Variants in ADARB1 observed in about 807,000 individuals in gnomAD.
ADARB1 encodes the protein double-stranded RNA-specific editase 1.
In ADARB1, 10 loss-of-function variants were observed where a neutral mutation model predicts 52.4. The observed-to-expected ratio is 0.19, with a 90% CI of 0.12 to 0.32. The LOEUF (loss-of-function observed/expected upper bound fraction) is 0.32, where lower values mean the gene tolerates loss of function less well. Among genes scored for constraint, ADARB1 ranks in the 10% least tolerant of loss-of-function variants. The pLI is 1.00. For synonymous variants in ADARB1, 349 were observed against 371.1 expected (o/e 0.94, Z 0.68); for missense variants, 643 against 922.3 (o/e 0.70, Z 3.92).
intron 1 of ADARB1, among the ~76,000 whole-genome samples, chr21:45,077,644 G>A (rs1465434545): frequency 1.3e-5 from 2 of 151,708 alleles, no homozygotes; most frequent in Non-Finnish European, 2.9e-5. Context: ...TCCAGCCTGG[G>A]CAACAGAGCG....
chr21:45,156,885 T>C (rs999729258), intron 2 of ADARB1, among the ~76,000 whole-genome samples: 4 of 152,032 alleles, frequency 2.6e-5, no homozygotes, highest in African/African-American at 9.7e-5. Flanking sequence ...TGGATTTATG[T>C]GATTTGTCAC....
At chr21:45,171,291 T>G (rs539190400) in intron 2 of ADARB1, among the ~76,000 whole-genome samples, 1 of 152,204 alleles carries the variant, frequency 6.6e-6, no homozygotes, top group East Asian at 1.9e-4. Flanking sequence ...TGGTGTGAGG[T>G]CCCTGGGCAC....
At chr21:45,124,860 C>G (rs553411259) in intron 1 of ADARB1, among the ~76,000 whole-genome samples, 1 of 151,678 alleles carries the variant, frequency 6.6e-6, no homozygotes, top group Non-Finnish European at 1.5e-5. Flanking sequence ...TGCAGTGGTG[C>G]AATCTCAGCT....
chr21:45,195,478 C>T (rs2092404238), intron 8 of ADARB1, among the ~76,000 whole-genome samples: 1 of 152,158 alleles, frequency 6.6e-6, no homozygotes, highest in Admixed American at 6.5e-5. Flanking sequence ...AAGTCATCAC[C>T]AAACCCAAGA....
At chr21:45,098,821 G>A (rs1051965961) in intron 1 of ADARB1, among the ~76,000 whole-genome samples, 1 of 152,178 alleles carries the variant, frequency 6.6e-6, no homozygotes, top group African/African-American at 2.4e-5. Context: ...GTATATTTGT[G>A]TGTGTTTCTC....
At chr21:45,127,007 G>A (rs2088624428) in intron 1 of ADARB1, among the ~76,000 whole-genome samples, 1 of 152,148 alleles carries the variant, frequency 6.6e-6, no homozygotes, top group Admixed American at 6.5e-5. Flanking sequence ...TTTAGGCGGT[G>A]GACTTTTTGG....
chr21:45,215,660 T>C (rs776975349), intron 9 of ADARB1, among the ~76,000 whole-genome samples: 4 of 151,388 alleles, frequency 2.6e-5, no homozygotes, highest in Non-Finnish European at 5.9e-5. Flanking sequence ...GTGGTGACGT[T>C]AAAAAAAAAT....
chr21:45,199,908 T>G (rs1047350414), intron 8 of ADARB1, among the ~76,000 whole-genome samples: 1 of 152,196 alleles, frequency 6.6e-6, no homozygotes, highest in Admixed American at 6.5e-5. Flanking sequence ...TCGGGGCTCA[T>G]GGACCTGAAC....
chr21:45,101,684 GC>G (rs1303843196), intron 1 of ADARB1, among the ~76,000 whole-genome samples: 1 of 152,160 alleles, frequency 6.6e-6, no homozygotes, highest in African/African-American at 2.4e-5. Flanking sequence ...CTTTCCTGAA[GC>G]AGAAAGCATG....
At chr21:45,098,991 G>A (rs1339303489) in intron 1 of ADARB1, among the ~76,000 whole-genome samples, 1 of 152,172 alleles carries the variant, frequency 6.6e-6, no homozygotes, top group Non-Finnish European at 1.5e-5. Context: ...GAGCAGAAAT[G>A]ACCCCTAATA....
intron 9 of ADARB1, among the ~76,000 whole-genome samples, chr21:45,212,518 A>C (rs1039166288): frequency 6.6e-6 from 1 of 152,130 alleles, no homozygotes; most frequent in African/African-American, 2.4e-5. Flanking sequence ...AAATGCAGGA[A>C]CAGTGACCTC....
Position 45,096,193 on chromosome 21 carries a change from G to A in ADARB1, c.-220+21400G>A, listed in dbSNP as rs569899413. Among the ~76,000 whole-genome samples the A allele has an allele frequency of 3.2e-4, 49 of 152,370 alleles. No individual in the cohort carries two copies. In the South Asian group the frequency reaches 9.3e-3, roughly 29 times the overall value. On this transcript the variant is annotated intron_variant, in intron 1 of 10. Coordinates refer to ENST00000348831, the MANE Select transcript of ADARB1 (RefSeq NM_001112.4). Reference sequence around the variant, plus strand: ...AACCCTAGCACTTTGGTGTGGGTGCGCCTAGCCCAAGAGGAGAGGAGGACC... The same window carrying A: ...AACCCTAGCACTTTGGTGTGGGTGCACCTAGCCCAAGAGGAGAGGAGGACC...
At chr21:45,094,808 G>A (rs1349727956) in intron 1 of ADARB1, among the ~76,000 whole-genome samples, 1 of 151,962 alleles carries the variant, frequency 6.6e-6, no homozygotes, top group African/African-American at 2.4e-5. Flanking sequence ...TGTATATCAA[G>A]TACTCACACA....
intron 5 of ADARB1, among the ~76,000 whole-genome samples, chr21:45,181,001 G>T (rs970169529): frequency 1.3e-5 from 2 of 152,208 alleles, no homozygotes; most frequent in African/African-American, 4.8e-5. Context: ...CAGCATCTCT[G>T]TGGGTAGCTC....
intron 8 of ADARB1, 104 bp downstream of exon 8, chr21:45,185,195 T>A: frequency 7.0e-7 from 1 of 1,425,988 alleles, no homozygotes; most frequent in East Asian, 2.3e-5. Flanking sequence ...TGGCCCCATT[T>A]CCCACTCAGG....
intron 1 of ADARB1, among the ~76,000 whole-genome samples, chr21:45,126,875 G>A (rs1286297134): frequency 1.3e-5 from 2 of 152,174 alleles, no homozygotes; most frequent in South Asian, 2.1e-4. Flanking sequence ...TCCTGCAGAC[G>A]GCCCAGGGAG....
chr21:45,093,933 C>T (rs1171045042), intron 1 of ADARB1, among the ~76,000 whole-genome samples: 1 of 152,164 alleles, frequency 6.6e-6, no homozygotes, highest in Non-Finnish European at 1.5e-5. Context: ...TTAAATAACT[C>T]GCTTTTTAGC....
At chr21:45,154,581 C>G (rs186385271) in intron 2 of ADARB1, among the ~76,000 whole-genome samples, 1 of 152,042 alleles carries the variant, frequency 6.6e-6, no homozygotes, top group African/African-American at 2.4e-5. Context: ...TAGCAAGTTA[C>G]GGGTTTTAGT....
In ADARB1 at chr21:45,222,396, T is replaced by G. The variant is rs1602084694; in HGVS notation, c.*199T>G. The G allele has an allele frequency of 7.6e-7, 1 of 1,319,936 alleles. No individual in the cohort carries two copies. Among genetic ancestry groups the G allele is most frequent in the South Asian group, 2.4e-5 (1 of 41,542 alleles). The allele number at this position is 1,319,936 out of a possible 1,614,324, so 81.8% of individuals were successfully genotyped here. A position where few individuals can be genotyped will look rare whatever the true frequency, so the allele number is the denominator to read the frequency against. On this transcript the variant is annotated 3_prime_UTR_variant, in exon 11 of 11. Transcript: ENST00000348831. ...TGCGCAGTGTGGGGAGGGGATGGGGTGCGTCAGGGCCCAGCATCGCCGCCT... is the reference window on the plus strand; with the variant it reads ...TGCGCAGTGTGGGGAGGGGATGGGGGGCGTCAGGGCCCAGCATCGCCGCCT...
Sources: gnomAD v4.1 joint callset for allele counts (sites outside exome capture counted in the v4.1 genomes callset) on GRCh38, gnomAD v4.1.1 for gene constraint, MANE v1.5 for transcripts, NCBI Gene and HGNC (gene_info 2026-07-23, HGNC 2026-07-21) for gene names.